The following POTEJ variants were observed in gnomAD, a reference collection of about 807,000 sequenced individuals.
POTEJ encodes the protein POTE ankyrin domain family, member J.
In POTEJ, 11 loss-of-function variants were observed where a neutral mutation model predicts 69.0. That is an observed-to-expected ratio of 0.16 (90% confidence interval 0.10 to 0.26). The LOEUF (loss-of-function observed/expected upper bound fraction) is 0.26. POTEJ is among the 10% of genes least tolerant of loss of function. The probability of loss-of-function intolerance (pLI) is 1.00; values close to 1 mark genes in which losing one functional copy is unlikely to be tolerated. For missense variants in POTEJ, 327 were observed against 1,045.5 expected, an observed-to-expected ratio of 0.31 and a Z score of 9.48; for synonymous variants, 117 against 381.1, an observed-to-expected ratio of 0.31 and a Z score of 8.07.
chr2:130,611,344 C>T, upstream of POTEJ: 2 of 602,672 alleles, frequency 3.3e-6, no homozygotes, highest in South Asian at 4.0e-5. Context: ...GTGGGCTTTC[C>T]CCGGGTGGGT....
At chr2:130,623,800 A>C (rs1685609623) in intron 5 of POTEJ, among the ~76,000 whole-genome samples, 1 of 136,048 alleles carries the variant, frequency 7.4e-6, no homozygotes, top group Non-Finnish European at 1.6e-5. Flanking sequence ...GAGTTGGGAC[A>C]CTTTCTATTA....
chr2:130,617,806 T>TTGTGTG (rs760103928), intron 3 of POTEJ, among the ~76,000 whole-genome samples: 5 of 151,808 alleles, frequency 3.3e-5, no homozygotes, highest in African/African-American at 7.3e-5. Flanking sequence ...CATGAAGAGG[T>TTGTGTG]TGTGTGTGTG....
chr2:130,639,875 A>G (rs1235938674), intron 10 of POTEJ, among the ~76,000 whole-genome samples: 1 of 152,246 alleles, frequency 6.6e-6, no homozygotes, highest in African/African-American at 2.4e-5. Flanking sequence ...TTTAGATACT[A>G]AGCAGTTTTT....
intron 13 of POTEJ, among the ~76,000 whole-genome samples, chr2:130,652,269 C>T (rs2105262265): frequency 7.3e-6 from 1 of 137,692 alleles, no homozygotes; most frequent in Admixed American, 7.1e-5. Context: ...CCATGCGTAA[C>T]TGTGAATCAA....
chr2:130,615,661 C>T (rs1394738915), intron 1 of POTEJ, among the ~76,000 whole-genome samples: 15 of 145,084 alleles, frequency 1.0e-4, no homozygotes, highest in Admixed American at 2.0e-4. Flanking sequence ...GGGTACTGGG[C>T]TTAACACCTG....
At chr2:130,655,363 T>C (rs1574000130) in intron 14 of POTEJ, among the ~76,000 whole-genome samples, 1 of 152,214 alleles carries the variant, frequency 6.6e-6, no homozygotes, top group East Asian at 1.9e-4. Context: ...TTTTGGACAT[T>C]AGTTTTTTAA....
chr2:130,639,318 C>A (rs1200300161), intron 10 of POTEJ, among the ~76,000 whole-genome samples: 2 of 152,430 alleles, frequency 1.3e-5, no homozygotes. Context: ...AACAGTGAAG[C>A]ACAGGTCATG....
intron 13 of POTEJ, among the ~76,000 whole-genome samples, chr2:130,647,226 A>G (rs534547937): frequency 7.6e-4 from 115 of 151,296 alleles, no homozygotes; most frequent in Admixed American, 7.9e-4. Context: ...ACACATCTTA[A>G]GAGTTCTTGT....
chr2:130,637,154 C>T lies in POTEJ; in HGVS notation c.1299-1465C>T, dbSNP rs542574982. 1.1e-4 allele frequency among the ~76,000 whole-genome samples: 16 copies of T among 148,670 alleles called. No individual in the cohort carries two copies. In the South Asian group the frequency reaches 2.7e-3, roughly 25 times the overall value. ...TGGTAATTGTCTGCATTTTTAAAAT[C>T]GTTTTGGCTCTTTATAATAAGCTAC... On this transcript the variant is annotated intron_variant, in intron 9 of 14. Coordinates refer to ENST00000409602, the MANE Select transcript of POTEJ (RefSeq NM_001277083.2).
At chr2:130,639,349 A>G (rs1356441953) in intron 10 of POTEJ, among the ~76,000 whole-genome samples, 1 of 152,308 alleles carries the variant, frequency 6.6e-6, no homozygotes, top group African/African-American at 2.4e-5. Context: ...TTGTGCCAAC[A>G]AGGTCTCACT....
At position 130,613,328 on chromosome 2, in the gene POTEJ, GTATATATACA is replaced by G. The variant is rs1558915602; in HGVS notation, c.410+1394_410+1403del. Among the ~76,000 whole-genome samples the G allele has an allele frequency of 8.6e-3, 815 of 94,868 alleles. 5 individuals carry two copies. The highest frequency in any genetic ancestry group is 0.044 in the African/African-American group (777 of 17,518). 62.2% of individuals were successfully genotyped at this position (94,868 alleles called of 152,430 possible). On this transcript the variant is annotated intron_variant, in intron 1 of 14. Coordinates refer to ENST00000409602, the MANE Select transcript of POTEJ (RefSeq NM_001277083.2). ...TGTATATATACATATATATACATAT[GTATATATACA>G]TATATATGTGTGTGTATATATATAC...
chr2:130,619,824 GT>G lies in POTEJ; in HGVS notation c.700-216del, dbSNP rs1426570101. Among the ~76,000 whole-genome samples the G allele has an allele frequency of 2.0e-5, 3 of 150,038 alleles. No individual in the cohort carries two copies. In the East Asian group the frequency reaches 5.8e-4, roughly 29 times the overall value. On this transcript the variant is annotated intron_variant, in intron 3 of 14. Coordinates refer to ENST00000409602, the MANE Select transcript of POTEJ (RefSeq NM_001277083.2). ...TGGAAGCAGTAAATGTTTAAAGTGAGTTTTTGAGATGATTAGAGTTACTGTG... is the reference window on the plus strand; with the variant it reads ...TGGAAGCAGTAAATGTTTAAAGTGAGTTTTGAGATGATTAGAGTTACTGTG...
chr2:130,639,375 C>T (rs1686248547), intron 10 of POTEJ, among the ~76,000 whole-genome samples: 1 of 152,308 alleles, frequency 6.6e-6, no homozygotes, highest in African/African-American at 2.4e-5. Context: ...TGACTTCATT[C>T]CTCCTGTTTT....
chr2:130,629,112 G>A (rs543368315), intron 6 of POTEJ, among the ~76,000 whole-genome samples: 11 of 152,032 alleles, frequency 7.2e-5, no homozygotes, highest in African/African-American at 2.4e-4. Context: ...ACTAATAAAG[G>A]TGTCAGTAGT....
At chr2:130,624,524 A>G (rs1208113779) in intron 6 of POTEJ, among the ~76,000 whole-genome samples, 1 of 151,918 alleles carries the variant, frequency 6.6e-6, no homozygotes, top group Non-Finnish European at 1.5e-5. Flanking sequence ...GCTATCACTG[A>G]TCTGACTGGA....
At chr2:130,632,753 A>G in intron 9 of POTEJ, 97 bp downstream of exon 9, 1 of 1,271,720 alleles carries the variant, frequency 7.9e-7, no homozygotes, top group Non-Finnish European at 1.1e-6. Context: ...TTATAGTTTT[A>G]CTAGGATATT....
intron 10 of POTEJ, among the ~76,000 whole-genome samples, chr2:130,641,493 T>G (rs967177101): frequency 8.7e-5 from 13 of 149,324 alleles, no homozygotes; most frequent in Non-Finnish European, 1.5e-4. Context: ...GTGTTCCCAG[T>G]GGCAGTGGGA....
intron 6 of POTEJ, among the ~76,000 whole-genome samples, chr2:130,625,661 G>A (rs1207339806): frequency 1.4e-5 from 2 of 145,734 alleles, no homozygotes; most frequent in Admixed American, 1.4e-4. Flanking sequence ...TGCCTGTTTG[G>A]GAGGAAGAGC....
chr2:130,631,193 G>A (rs1685886140), intron 7 of POTEJ, among the ~76,000 whole-genome samples: 1 of 148,702 alleles, frequency 6.7e-6, no homozygotes, highest in South Asian at 2.1e-4. Flanking sequence ...TCAGAAGCCA[G>A]TAATGTGGCA....
Sources: allele counts gnomAD v4.1 joint callset (sites outside exome capture counted in the v4.1 genomes callset), GRCh38; gene constraint gnomAD v4.1.1; transcripts MANE v1.5; gene names NCBI Gene and HGNC (gene_info 2026-07-23, HGNC 2026-07-21).